Variants in NPSR1 observed in about 807,000 individuals in gnomAD.
NPSR1 encodes the protein neuropeptide S receptor 1.
In NPSR1, 48 loss-of-function variants were observed where a neutral mutation model predicts 46.9. That is an observed-to-expected ratio of 1.02 (90% CI 0.81 to 1.30). The LOEUF (loss-of-function observed/expected upper bound fraction) is 1.30, where lower values mean the gene tolerates loss of function less well. Among genes scored for constraint, NPSR1 ranks in the 50% most tolerant of loss-of-function variants. The probability of loss-of-function intolerance (pLI) is 0.00; values close to 1 mark genes in which losing one functional copy is unlikely to be tolerated. For missense variants in NPSR1, 450 were observed against 449.5 expected (o/e 1.00, Z -0.01); for synonymous variants, 176 against 168.1 (o/e 1.05, Z -0.36).
At chr7:34,858,694 A>G (rs1791111539) in intron 8 of NPSR1, among the ~76,000 whole-genome samples, 1 of 151,834 alleles carries the variant, frequency 6.6e-6, no homozygotes, top group Non-Finnish European at 1.5e-5. Flanking sequence ...CAGCAGTCAA[A>G]GAGCAAGCTT....
chr7:34,673,554 T>C (rs185888107), intron 1 of NPSR1, among the ~76,000 whole-genome samples: 282 of 152,220 alleles, frequency 1.9e-3, no homozygotes, highest in Non-Finnish European at 3.3e-3. Flanking sequence ...AGCCCCACTC[T>C]CCAATTCAAC....
intron 1 of NPSR1, among the ~76,000 whole-genome samples, chr7:34,668,919 G>T (rs1359308911): frequency 2.0e-5 from 3 of 152,138 alleles, no homozygotes. Flanking sequence ...GGAAAGGCAG[G>T]GAATCTTGGT....
intron 3 of NPSR1, among the ~76,000 whole-genome samples, chr7:34,805,488 A>C (rs995288565): frequency 4.6e-5 from 7 of 151,212 alleles, no homozygotes; most frequent in Non-Finnish European, 8.9e-5. Flanking sequence ...GCAAAAAAAA[A>C]AAAAAAAAAA....
chr7:34,698,347 T>C (rs1388458607), intron 2 of NPSR1, among the ~76,000 whole-genome samples: 2 of 152,164 alleles, frequency 1.3e-5, no homozygotes, highest in Admixed American at 1.3e-4. Context: ...ATTTACAAAA[T>C]ATATCACATT....
chr7:34,790,843 ATATGT>A (rs927394482), intron 3 of NPSR1, among the ~76,000 whole-genome samples: 5 of 129,646 alleles, frequency 3.9e-5, no homozygotes, highest in East Asian at 4.3e-4. Flanking sequence ...TATGTTATAT[ATATGT>A]TATATGTTAT....
intron 3 of NPSR1, among the ~76,000 whole-genome samples, chr7:34,791,290 A>C (rs937423449): frequency 7.0e-6 from 1 of 143,034 alleles, no homozygotes; most frequent in African/African-American, 2.5e-5. Flanking sequence ...AATATAGATA[A>C]TATATAAAAT....
At chr7:34,841,501 T>C (rs546432847) in intron 6 of NPSR1, among the ~76,000 whole-genome samples, 7 of 152,362 alleles carry the variant, frequency 4.6e-5, no homozygotes, top group African/African-American at 1.7e-4. Context: ...CCAAGCCCGA[T>C]TAATGCACAG....
chr7:34,766,577 AT>A (rs70978573), intron 2 of NPSR1, among the ~76,000 whole-genome samples: 17,277 of 146,996 alleles, frequency 0.12, 1,097 homozygotes, highest in Middle Eastern at 0.18. Context: ...ATGATGAATT[AT>A]TTTTTTTTTT....
intron 6 of NPSR1, among the ~76,000 whole-genome samples, chr7:34,843,326 G>A (rs545538780): frequency 4.1e-4 from 62 of 152,308 alleles, no homozygotes; most frequent in African/African-American, 1.2e-3. Context: ...GGGCGAAAGC[G>A]AGCACACAAG....
rs11979661 is a variant in NPSR1 at position 34,684,545 on chromosome 7, C to G, written c.148-7C>G. 327 of 1,612,504 alleles carry G rather than the reference C, an allele frequency of 2.0e-4. 1 individual carries two copies. The African/African-American group carries it at 4.1e-3, about 20-fold the overall frequency. The stretch of plus-strand genomic sequence containing the variant: ...ACACTGGTTTTATTTTTCTCTGTTT[C>G]TTGCAGACTGAGCAATTGATAACTC... On this transcript the variant is annotated splice_region_variant and splice_polypyrimidine_tract_variant and intron_variant, in intron 1 of 8. Coordinates refer to ENST00000360581, the MANE Select transcript of NPSR1 (RefSeq NM_207172.2).
chr7:34,698,407 C>T (rs323912), intron 2 of NPSR1, among the ~76,000 whole-genome samples: 18,390 of 151,952 alleles, frequency 0.12, 1,190 homozygotes, highest in Middle Eastern at 0.18. Context: ...ATCAAGCAGG[C>T]AATGAATGTA....
intron 8 of NPSR1, among the ~76,000 whole-genome samples, chr7:34,863,879 A>G (rs964309820): frequency 1.3e-5 from 2 of 151,832 alleles, no homozygotes; most frequent in Admixed American, 6.5e-5. Context: ...TACTAGGTAT[A>G]TACCCAAAGG....
chr7:34,796,222 A>G (rs984011128), intron 3 of NPSR1, among the ~76,000 whole-genome samples: 5 of 152,202 alleles, frequency 3.3e-5, no homozygotes, highest in Non-Finnish European at 7.4e-5. Context: ...CACAGATCTT[A>G]TATCCATGAC....
rs1483255814 is a variant in NPSR1, at chr7:34,665,807, C to T, written c.147+7248C>T. Among the ~76,000 whole-genome samples the T allele has an allele frequency of 4.6e-5, 7 of 152,076 alleles. No homozygotes were observed. In the South Asian group the frequency reaches 8.3e-4, roughly 18 times the overall value. ...GTTCACCTACATACACACACACACA[C>T]GCATACACACACACCCATGAGCACA... On this transcript the variant is annotated intron_variant, in intron 1 of 8. Coordinates refer to ENST00000360581, the MANE Select transcript of NPSR1 (RefSeq NM_207172.2).
intron 8 of NPSR1, among the ~76,000 whole-genome samples, chr7:34,855,558 T>C (rs1791031705): frequency 6.6e-6 from 1 of 152,106 alleles, no homozygotes; most frequent in Admixed American, 6.6e-5. Context: ...GCATAACTGC[T>C]AAAGAAAGAG....
chr7:34,792,652 T>TATATATATTTTTATATATAC (rs1491368203), intron 3 of NPSR1, among the ~76,000 whole-genome samples: 1 of 121,198 alleles, frequency 8.3e-6, no homozygotes, highest in East Asian at 2.3e-4. Context: ...TATATATATA[T>TATATATATTTTTATATATAC]GTATATATAT....
intron 2 of NPSR1, among the ~76,000 whole-genome samples, chr7:34,722,933 G>A (rs942462338): frequency 6.6e-6 from 1 of 152,090 alleles, no homozygotes; most frequent in African/African-American, 2.4e-5. Flanking sequence ...AGGTGAGGAA[G>A]GCCATTTTAG....
intron 2 of NPSR1, among the ~76,000 whole-genome samples, chr7:34,756,980 C>A (rs149513686): frequency 6.6e-6 from 1 of 152,098 alleles, no homozygotes; most frequent in African/African-American, 2.4e-5. Context: ...CAGATAGTTA[C>A]GATGATTAAG....
chr7:34,672,752 G>C (rs931447650), intron 1 of NPSR1, among the ~76,000 whole-genome samples: 3 of 152,146 alleles, frequency 2.0e-5, no homozygotes, highest in Non-Finnish European at 4.4e-5. Context: ...TCTGTCACTT[G>C]TAATCATGGT....
Sources: allele counts gnomAD v4.1 joint callset (sites outside exome capture counted in the v4.1 genomes callset), GRCh38; gene constraint gnomAD v4.1.1; transcripts MANE v1.5; gene names NCBI Gene and HGNC (gene_info 2026-07-23, HGNC 2026-07-21).